The following NAV1 variants were observed in gnomAD, a reference collection of about 807,000 sequenced individuals.
NAV1 encodes the protein pore membrane and/or filament interacting like protein 3.
In NAV1, 18 loss-of-function variants were observed where a neutral mutation model predicts 175.2. The ratio of observed to expected loss-of-function variants is 0.10; its 90% CI spans 0.07 to 0.15. NAV1 has a LOEUF of 0.15. Ranked by LOEUF, NAV1 falls within the 10% of genes least tolerant of loss-of-function variation. The pLI, the probability that NAV1 is intolerant of heterozygous loss-of-function variation, is 1.00. For missense variants in NAV1, 1,731 were observed against 2,436.6 expected (o/e 0.71, Z 6.10); for synonymous variants, 897 against 978.7 (o/e 0.92, Z 1.56).
chr1:201,655,671 A>G (rs1390311579), intron 1 of NAV1, among the ~76,000 whole-genome samples: 1 of 152,232 alleles, frequency 6.6e-6, no homozygotes, highest in Non-Finnish European at 1.5e-5. Context: ...GATCGGGGGC[A>G]GACTGGGAAG....
At chr1:201,820,816 C>CTTTTTTTT (rs139152981) in exon 30 of NAV1, 2 of 147,506 alleles carry the variant, frequency 1.4e-5, no homozygotes, top group East Asian at 2.0e-4. Flanking sequence ...TTTTGTTTCC[C>CTTTTTTTT]TTTTTTTTTT....
chr1:201,764,378 T>C (rs1415257186), intron 3 of NAV1, among the ~76,000 whole-genome samples: 3 of 152,208 alleles, frequency 2.0e-5, no homozygotes, highest in Non-Finnish European at 4.4e-5. Context: ...GAGGCCTCTC[T>C]TCCTGGCTGT....
chr1:201,743,572 T>C (rs1673569771), intron 3 of NAV1, among the ~76,000 whole-genome samples: 1 of 152,236 alleles, frequency 6.6e-6, no homozygotes, highest in South Asian at 2.1e-4. Flanking sequence ...GCTTTAAACA[T>C]GTGGGCTTTG....
At chr1:201,623,408 A>G in exon 1 of NAV1, 1 of 985,908 alleles carries the variant, frequency 1.0e-6, no homozygotes, top group Non-Finnish European at 1.2e-6. Flanking sequence ...GGAAAAGACC[A>G]AAGAGATATA....
At chr1:201,558,686 G>A (rs180719870) in intron 1 of NAV1, among the ~76,000 whole-genome samples, 34 of 152,248 alleles carry the variant, frequency 2.2e-4, no homozygotes, top group East Asian at 1.9e-4. Flanking sequence ...TCCTGACCTC[G>A]TGATCCACCC....
At chr1:201,768,829 A>G (rs967814087) in intron 3 of NAV1, among the ~76,000 whole-genome samples, 2 of 152,172 alleles carry the variant, frequency 1.3e-5, no homozygotes, top group East Asian at 1.9e-4. Flanking sequence ...ACATTTTATC[A>G]TAGATAGCAA....
chr1:201,765,893 G>A (rs1227885786), intron 3 of NAV1, among the ~76,000 whole-genome samples: 1 of 152,170 alleles, frequency 6.6e-6, no homozygotes, highest in Non-Finnish European at 1.5e-5. Context: ...GGCTTCCCTA[G>A]CTATGGTCCA....
intron 1 of NAV1, among the ~76,000 whole-genome samples, chr1:201,658,766 G>A (rs1411638304): frequency 6.6e-6 from 1 of 152,144 alleles, no homozygotes; most frequent in Non-Finnish European, 1.5e-5. Flanking sequence ...AGCCAGCCAG[G>A]GCCTCTCAAG....
intron 3 of NAV1, chr1:201,737,507 G>A (rs1673166039): frequency 6.6e-6 from 1 of 152,184 alleles, no homozygotes; most frequent in Non-Finnish European, 1.5e-5. Context: ...TTCTCTTTAT[G>A]GTTTGCTCCT....
At chr1:201,707,528 G>A (rs1671720992) in intron 1 of NAV1, among the ~76,000 whole-genome samples, 1 of 152,166 alleles carries the variant, frequency 6.6e-6, no homozygotes, top group Non-Finnish European at 1.5e-5. Context: ...CTGAAGCACA[G>A]GTCTTTCTGA....
At chr1:201,684,355 C>T (rs1458416416) in intron 1 of NAV1, among the ~76,000 whole-genome samples, 1 of 151,944 alleles carries the variant, frequency 6.6e-6, no homozygotes, top group Non-Finnish European at 1.5e-5. Context: ...TCTATCTCTC[C>T]ATATATATGT....
intron 1 of NAV1, among the ~76,000 whole-genome samples, chr1:201,551,108 A>G (rs966175950): frequency 6.6e-6 from 1 of 152,218 alleles, no homozygotes; most frequent in African/African-American, 2.4e-5. Flanking sequence ...TAAGTAACTT[A>G]CCCAAAGCCA....
At chr1:201,633,286 G>A (rs1668528894) in intron 2 of NAV1, among the ~76,000 whole-genome samples, 1 of 152,246 alleles carries the variant, frequency 6.6e-6, no homozygotes, top group South Asian at 2.1e-4. Context: ...GCAGGGCATA[G>A]TGCCAAGTGC....
At chr1:201,742,805 A>G (rs1299784008) in intron 3 of NAV1, among the ~76,000 whole-genome samples, 3 of 152,040 alleles carry the variant, frequency 2.0e-5, no homozygotes, top group Non-Finnish European at 4.4e-5. Flanking sequence ...TCGTTAGAGG[A>G]TTTTATGGGA....
chr1:201,715,391 C>T (rs1672097045), intron 2 of NAV1, among the ~76,000 whole-genome samples: 1 of 152,150 alleles, frequency 6.6e-6, no homozygotes, highest in South Asian at 2.1e-4. Context: ...AACTCCTGAC[C>T]TCAGGTAATC....
intron 1 of NAV1, among the ~76,000 whole-genome samples, chr1:201,625,484 C>T (rs984396846): frequency 6.6e-6 from 1 of 152,184 alleles, no homozygotes; most frequent in African/African-American, 2.4e-5. Flanking sequence ...CCAGGGTGAC[C>T]CCTGGCTCTC....
chr1:201,598,513 G>A (rs1376813491), intron 2 of NAV1, among the ~76,000 whole-genome samples: 1 of 152,216 alleles, frequency 6.6e-6, no homozygotes, highest in Non-Finnish European at 1.5e-5. Context: ...TGTGTGTCCT[G>A]GTGAGGAATC....
intron 1 of NAV1, among the ~76,000 whole-genome samples, chr1:201,543,905 T>C (rs1045987310): frequency 3.3e-5 from 5 of 152,224 alleles, no homozygotes; most frequent in African/African-American, 2.4e-5. Flanking sequence ...CATTTTTTAA[T>C]AACTAGAAGT....
chr1:201,597,617 C>A (rs1021735951), intron 2 of NAV1, among the ~76,000 whole-genome samples: 2 of 152,252 alleles, frequency 1.3e-5, no homozygotes, highest in African/African-American at 2.4e-5. Flanking sequence ...GACCCCTTCC[C>A]ACAGGCTGCA....
Sources: gnomAD v4.1 joint callset for allele counts (sites outside exome capture counted in the v4.1 genomes callset) on GRCh38, gnomAD v4.1.1 for gene constraint, MANE v1.5 for transcripts, NCBI Gene and HGNC (gene_info 2026-07-23, HGNC 2026-07-21) for gene names.